KCNIP4: variants seen among roughly 807,000 people sequenced by gnomAD.
KCNIP4 encodes potassium voltage-gated channel interacting protein 4.
Under a neutral mutation model 34.0 loss-of-function variants are expected in KCNIP4, and 12 were observed. That is an observed-to-expected ratio of 0.35 (90% CI 0.23 to 0.57). KCNIP4 has a LOEUF of 0.57. Ranked by LOEUF, KCNIP4 falls within the 20% of genes least tolerant of loss-of-function variation. The pLI, the probability that KCNIP4 is intolerant of heterozygous loss-of-function variation, is 0.83. For synonymous variants in KCNIP4, 124 were observed against 102.2 expected, an observed-to-expected ratio of 1.21 and a Z score of -1.29; for missense variants, 238 against 311.7, an observed-to-expected ratio of 0.76 and a Z score of 1.78.
chr4:21,368,664 C>A (rs986502964), intron 1 of KCNIP4, among the ~76,000 whole-genome samples: 6 of 147,388 alleles, frequency 4.1e-5, no homozygotes, highest in Middle Eastern at 3.4e-3. Context: ...CTTATCGTAC[C>A]ATACTACCTA....
chr4:20,817,396 C>G (rs576511936), intron 3 of KCNIP4, among the ~76,000 whole-genome samples: 14 of 152,158 alleles, frequency 9.2e-5, no homozygotes, highest in Non-Finnish European at 1.3e-4. Context: ...GCCCTGTTCT[C>G]GACTAAAACC....
chr4:20,920,442 C>A (rs1729280982), intron 1 of KCNIP4, among the ~76,000 whole-genome samples: 1 of 152,148 alleles, frequency 6.6e-6, no homozygotes, highest in Non-Finnish European at 1.5e-5. Context: ...TTATGCAACC[C>A]AGACACATTA....
At chr4:21,931,793 C>T (rs1729583770) in intron 1 of KCNIP4, among the ~76,000 whole-genome samples, 1 of 152,072 alleles carries the variant, frequency 6.6e-6, no homozygotes, top group South Asian at 2.1e-4. Context: ...GGTATATTCC[C>T]AGTAATGGGA....
At chr4:21,121,855 T>C (rs190699200) in intron 1 of KCNIP4, among the ~76,000 whole-genome samples, 3 of 152,340 alleles carry the variant, frequency 2.0e-5, no homozygotes, top group East Asian at 3.9e-4. Flanking sequence ...CAATTTGATA[T>C]TTTGTTCAAT....
At chr4:21,129,051 G>T (rs1750845517) in intron 1 of KCNIP4, among the ~76,000 whole-genome samples, 1 of 152,138 alleles carries the variant, frequency 6.6e-6, no homozygotes, top group East Asian at 1.9e-4. Flanking sequence ...GGTGTCAAGG[G>T]CAGGGTCAGG....
chr4:21,832,982 C>G (rs7438624), intron 1 of KCNIP4, among the ~76,000 whole-genome samples: 6,957 of 141,864 alleles, frequency 0.049, 662 homozygotes, highest in African/African-American at 0.2. Flanking sequence ...TCTTAATCCA[C>G]TCTATCATTG....
rs1715827241 is a variant in KCNIP4 at position 21,734,301 on chromosome 4, T to C, written c.61+214270A>G. Among the ~76,000 whole-genome samples, 3 of 152,140 alleles carry C rather than the reference T, an allele frequency of 2.0e-5. No homozygotes were observed. The South Asian group carries it at 6.2e-4, about 32-fold the overall frequency. ...AAGTGCTATTTCAGTGGAATGTACATTAGGAAGACAAACGTGACTCAGTAT... is the reference window on the plus strand; with the variant it reads ...AAGTGCTATTTCAGTGGAATGTACACTAGGAAGACAAACGTGACTCAGTAT... On this transcript the variant is annotated intron_variant, in intron 1 of 8. Transcript: ENST00000382152.
At chr4:21,180,056 G>C (rs888060789) in intron 1 of KCNIP4, among the ~76,000 whole-genome samples, 5 of 152,244 alleles carry the variant, frequency 3.3e-5, no homozygotes, top group South Asian at 4.1e-4. Flanking sequence ...GCTTTAACAG[G>C]CTGCTAAGAA....
intron 1 of KCNIP4, among the ~76,000 whole-genome samples, chr4:21,084,891 CAT>C (rs1347035301): frequency 2.0e-5 from 3 of 151,680 alleles, no homozygotes; most frequent in Non-Finnish European, 2.9e-5. Context: ...AGAAAACAAA[CAT>C]AGAATAATTT....
intron 1 of KCNIP4, among the ~76,000 whole-genome samples, chr4:21,569,234 T>TAAAAAAAAAAAAAAAAAAAAAAA (rs71191521): frequency 7.9e-5 from 2 of 25,186 alleles, no homozygotes; most frequent in Admixed American, 8.9e-4. Flanking sequence ...ACTGATATTC[T>TAAAAAAAAAAAAAAAAAAAAAAA]AAAAAAAAAA....
rs1272154724 is a variant in KCNIP4 at position 21,519,772 on chromosome 4, CACACGTGTGTGTATGTGTGTGTAT to C, written c.61+428775_61+428798del. On this transcript the variant is annotated intron_variant, in intron 1 of 8. Transcript: ENST00000382152. ...ACGTGTGTGTATGTATGTGTGTATA[CACACGTGTGTGTATGTGTGTGTAT>C]ACACGTGTGTGTATGTGTGTGTATA... 9.2e-3 allele frequency among the ~76,000 whole-genome samples: 1,208 copies of C among 130,758 alleles called. 23 individuals carry two copies. The highest frequency in any genetic ancestry group is 0.033 in the African/African-American group (1,132 of 33,952). 85.8% of individuals were successfully genotyped at this position (130,758 alleles called of 152,430 possible). A position where few individuals can be genotyped will look rare whatever the true frequency, so the allele number is the denominator to read the frequency against.
At chr4:21,061,025 A>C (rs1308258543) in intron 1 of KCNIP4, among the ~76,000 whole-genome samples, 1 of 152,180 alleles carries the variant, frequency 6.6e-6, no homozygotes, top group African/African-American at 2.4e-5. Context: ...AAATGATCGA[A>C]TAGAATTCAT....
chr4:21,282,264 C>T (rs1762824162), intron 1 of KCNIP4, among the ~76,000 whole-genome samples: 1 of 152,100 alleles, frequency 6.6e-6, no homozygotes, highest in Admixed American at 6.6e-5. Flanking sequence ...CACTTAAATA[C>T]ATTATTGTTA....
rs1752814602 is a variant in KCNIP4, at chr4:21,152,308, A to C, written c.62-269599T>G. 2.0e-5 allele frequency among the ~76,000 whole-genome samples: 3 copies of C among 152,062 alleles called. No homozygotes were observed. The South Asian group carries it at 6.2e-4, about 32-fold the overall frequency. ...ACTGTTGACCCTACATCCCCTTCTA[A>C]CTTACTGTCTAATTTCTTCACTTTT... On this transcript the variant is annotated intron_variant, in intron 1 of 8. Coordinates refer to ENST00000382152, the MANE Select transcript of KCNIP4 (RefSeq NM_025221.6).
intron 1 of KCNIP4, among the ~76,000 whole-genome samples, chr4:21,263,880 T>G (rs1761626692): frequency 6.6e-6 from 1 of 152,066 alleles, no homozygotes; most frequent in Non-Finnish European, 1.5e-5. Flanking sequence ...TCCAAGCTGG[T>G]CTGGAATTCC....
chr4:20,848,802 A>G (rs936895297), intron 3 of KCNIP4, among the ~76,000 whole-genome samples: 6 of 152,174 alleles, frequency 3.9e-5, no homozygotes, highest in African/African-American at 1.4e-4. Flanking sequence ...ATCCAATGTT[A>G]AAAAGAAAAA....
chr4:21,667,078 G>GAC (rs1749031632), intron 1 of KCNIP4, among the ~76,000 whole-genome samples: 1 of 152,154 alleles, frequency 6.6e-6, no homozygotes, highest in African/African-American at 2.4e-5. Context: ...TCCCCTTCCA[G>GAC]ACACACCCCA....
At chr4:21,146,311 T>C (rs551317322) in intron 1 of KCNIP4, among the ~76,000 whole-genome samples, 7 of 151,958 alleles carry the variant, frequency 4.6e-5, no homozygotes, top group South Asian at 2.1e-4. Context: ...GGCAGGAGAA[T>C]GGGGTGAACC....
intron 1 of KCNIP4, among the ~76,000 whole-genome samples, chr4:21,797,456 T>C (rs911451542): frequency 6.9e-6 from 1 of 145,208 alleles, no homozygotes; most frequent in African/African-American, 2.4e-5. Flanking sequence ...CCTCATTCTT[T>C]TCTCAAAAAC....
Sources: gnomAD v4.1 joint callset for allele counts (sites outside exome capture counted in the v4.1 genomes callset) on GRCh38, gnomAD v4.1.1 for gene constraint, MANE v1.5 for transcripts, NCBI Gene and HGNC (gene_info 2026-07-23, HGNC 2026-07-21) for gene names.